The following TTC32 variants were observed in gnomAD, a reference collection of about 807,000 sequenced individuals.
The protein encoded by TTC32 is tetratricopeptide repeat protein 32.
Under a neutral mutation model 15.3 loss-of-function variants are expected in TTC32, and 16 were observed. The ratio of observed to expected loss-of-function variants is 1.05; its 90% CI spans 0.71 to 1.59. The LOEUF (loss-of-function observed/expected upper bound fraction) is 1.59. TTC32 is among the 40% of genes most tolerant of loss of function. The pLI, the probability that TTC32 is intolerant of heterozygous loss-of-function variation, is 0.00. For missense variants in TTC32, 188 were observed against 181.9 expected (o/e 1.03, Z -0.19); for synonymous variants, 89 against 67.8 (o/e 1.31, Z -1.53).
At chr2:19,901,515 G>A (rs1324709130) in intron 1 of TTC32, 191 bp downstream of exon 1, 2 of 689,890 alleles carry the variant, frequency 2.9e-6, no homozygotes, top group East Asian at 3.2e-5. Flanking sequence ...GCTTCTCCCC[G>A]CGTTCTCCGC....
rs774391279 is a variant in TTC32, at chr2:19,901,807, C to G, written c.48G>C (p.Gln16His). 5.6e-6 allele frequency: 9 copies of G among 1,614,112 alleles called. No homozygotes were observed. In the South Asian group the frequency reaches 8.8e-5, roughly 16 times the overall value. Residue 16 changes from glutamine to histidine, a missense_variant, in exon 1 of 3, where the codon CAG becomes CAC. Transcript: ENST00000333610. ...CGTACTCTCCATTGTTGAAATGAGC[C>G]TGGGCGAGTGTTAGGGTTGCGTGGC... ...QESHATLTLA[Q>H]AHFNNGEYAE...
At chr2:19,898,079 T>G in intron 1 of TTC32, 44 bp from the exon 2 acceptor site, 1 of 1,430,302 alleles carries the variant, frequency 7.0e-7, no homozygotes. Flanking sequence ...GTTACCAAAT[T>G]CCTCTCATTT....
At chr2:19,900,922 C>A (rs1354466457) in intron 1 of TTC32, 4 of 328,822 alleles carry the variant, frequency 1.2e-5, no homozygotes, top group South Asian at 9.3e-5. Flanking sequence ...ACACAAGAAT[C>A]GGTTTCCTCA....
In TTC32 at chr2:19,897,289, T is replaced by C. The variant is rs1669525308; in HGVS notation, c.317-163A>G. 2.6e-5 allele frequency among the ~76,000 whole-genome samples: 4 copies of C among 152,214 alleles called. No homozygotes were observed. The South Asian group carries it at 6.2e-4, about 24-fold the overall frequency. On this transcript the variant is annotated intron_variant, in intron 2 of 2. Transcript: ENST00000333610. Reference sequence around the variant, plus strand: ...TATCTTAATAATATAGAGATGTGTATATCAAAGTAATTTTGTGTGCCCTTA... The same window carrying C: ...TATCTTAATAATATAGAGATGTGTACATCAAAGTAATTTTGTGTGCCCTTA...
At chr2:19,897,254 G>T in intron 2 of TTC32, 128 bp from the exon 3 acceptor site, 1 of 911,254 alleles carries the variant, frequency 1.1e-6, no homozygotes, top group Non-Finnish European at 1.6e-6. Context: ...TTCTAGTAAA[G>T]GAATCTTTTT....
chr2:19,901,530 C>A, intron 1 of TTC32, 176 bp downstream of exon 1: 1 of 815,778 alleles, frequency 1.2e-6, no homozygotes, highest in East Asian at 3.0e-5. Flanking sequence ...CTCCGCCGCC[C>A]TCGTCCTAGG....
At chr2:19,898,107 T>C (rs1669540139) in intron 1 of TTC32, 72 bp from the exon 2 acceptor site, 5 of 1,400,050 alleles carry the variant, frequency 3.6e-6, no homozygotes, top group Non-Finnish European at 4.8e-6. Flanking sequence ...CATTCTCTTT[T>C]GGGTATTGTC....
intron 1 of TTC32, among the ~76,000 whole-genome samples, chr2:19,899,173 A>G (rs1669558656): frequency 6.6e-6 from 1 of 152,166 alleles, no homozygotes; most frequent in East Asian, 1.9e-4. Flanking sequence ...GAACTGTCGC[A>G]ATTTTAGAAA....
chr2:19,897,995 T>A lies in TTC32; in HGVS notation c.190A>T (p.Arg64Trp), dbSNP rs1210019511. ...PEDLATAYNNRGQIKYFRVDF... is the reference protein window; with the variant it reads ...PEDLATAYNNWGQIKYFRVDF... ...ACCCTGAAGTACTTGATTTGCCCCCTGTTGTTATATGCAGTAGCCAAATCC... is the reference window on the plus strand; with the variant it reads ...ACCCTGAAGTACTTGATTTGCCCCCAGTTGTTATATGCAGTAGCCAAATCC... The change falls in exon 2 of 3, where the codon AGG becomes TGG. Residue 64 changes from arginine (R) to tryptophan (W), a missense_variant. By Grantham distance (101) the Arg-to-Trp change is moderately radical. Transcript: ENST00000333610. 1.2e-6 allele frequency: 2 copies of A among 1,606,694 alleles called. No individual in the cohort carries two copies. The highest frequency in any genetic ancestry group is 1.7e-6 in the Non-Finnish European group (2 of 1,174,620).
chr2:19,901,668 C>T (rs374957467), intron 1 of TTC32, 38 bp downstream of exon 1: 3 of 1,596,414 alleles, frequency 1.9e-6, no homozygotes, highest in Non-Finnish European at 8.5e-7. Flanking sequence ...GTCGCCTCCA[C>T]CCGGGGTCGC....
In TTC32 at chr2:19,897,943, T is replaced by C; in HGVS notation, c.242A>G (p.Tyr81Cys). The C allele has an allele frequency of 6.2e-7, 1 of 1,613,022 alleles. No individual in the cohort carries two copies. The highest frequency in any genetic ancestry group is 8.5e-7 in the Non-Finnish European group (1 of 1,179,118). ...RVDFYEAMDD[Y>C]TSAIEVQPNF... ...GGGTTGGACTTCTATGGCAGATGTG[T>C]AGTCATCCATGGCTTCATAAAAATC... is the stretch of plus-strand genomic sequence containing the variant. Residue 81 changes from tyrosine (Y) to cysteine (C), a missense_variant, in exon 2 of 3, where the codon TAC becomes TGC. By Grantham distance (194) the Tyr-to-Cys change is radical. Coordinates refer to ENST00000333610, the MANE Select transcript of TTC32 (RefSeq NM_001008237.3).
intron 2 of TTC32, 113 bp from the exon 3 acceptor site, chr2:19,897,239 G>C (rs1669524767): frequency 2.2e-5 from 22 of 1,021,924 alleles, no homozygotes; most frequent in Non-Finnish European, 2.8e-6. Flanking sequence ...TGAGCTTTCA[G>C]TCACTTCTAG....
chr2:19,898,023 A>G lies in TTC32; in HGVS notation c.162T>C (p.Pro54=). The part of the protein sequence containing the change: ...SDESPGSKCS[P]EDLATAYNNR... ...TGTTATATGCAGTAGCCAAATCCTC[A>G]GGGCTGCATTTGCTTTAAACAAAAA... is the stretch of plus-strand genomic sequence containing the variant. The change falls in exon 2 of 3, where the codon CCT becomes CCC. Residue 54 remains proline (P), a synonymous_variant. Transcript: ENST00000333610. 1 of 1,536,848 alleles carries G rather than the reference A, an allele frequency of 6.5e-7. No individual in the cohort carries two copies. The highest frequency in any genetic ancestry group is 8.8e-7 in the Non-Finnish European group (1 of 1,133,928).
Position 19,897,400 on chromosome 2 carries a change from A to G in TTC32, c.317-274T>C, listed in dbSNP as rs567905872. ...TATCAATCATCTTAAAATTTTAATAAAACTGTATCACCTGTTTTACATAAT... is the reference window on the plus strand; with the variant it reads ...TATCAATCATCTTAAAATTTTAATAGAACTGTATCACCTGTTTTACATAAT... On this transcript the variant is annotated intron_variant, in intron 2 of 2. Coordinates refer to ENST00000333610, the MANE Select transcript of TTC32 (RefSeq NM_001008237.3). Among the ~76,000 whole-genome samples, 22 of 152,256 alleles carry G rather than the reference A, an allele frequency of 1.4e-4. No homozygotes were observed. In the South Asian group the frequency reaches 4.4e-3, roughly 30 times the overall value.
chr2:19,899,578 AT>A (rs1185656800), intron 1 of TTC32, among the ~76,000 whole-genome samples: 3 of 151,712 alleles, frequency 2.0e-5, no homozygotes, highest in African/African-American at 7.3e-5. Context: ...TAATATTAAA[AT>A]TTTTGTAATG....
In TTC32 at chr2:19,901,974, GTT is replaced by G. The variant is rs1423656137; in HGVS notation, c.-122_-121del. The G allele has an allele frequency of 1.5e-6, 2 of 1,300,386 alleles. No individual in the cohort carries two copies. Among genetic ancestry groups the G allele is most frequent in the African/African-American group, 2.9e-5 (2 of 67,928 alleles). The allele number at this position is 1,300,386 out of a possible 1,614,324, so 80.6% of individuals were successfully genotyped here. A position where few individuals can be genotyped will look rare whatever the true frequency, so the allele number is the denominator to read the frequency against. ...CCTTGACAGCCAACCTTGGCGCTAG[GTT>G]TGTGCCTTATGGGGATCCGTCGTCT... On this transcript the variant is annotated 5_prime_UTR_variant, in exon 1 of 3. Transcript: ENST00000333610.
Position 19,901,913 on chromosome 2 carries a change from T to C in TTC32, c.-59A>G. ...GGGTTGACCTCCGAGCGGTTAGAGG[T>C]GGCACCACAAAGCCACTTCCACACC... On this transcript the variant is annotated 5_prime_UTR_variant, in exon 1 of 3. Transcript: ENST00000333610. 1 of 1,600,030 alleles carries C rather than the reference T, an allele frequency of 6.2e-7. No individual in the cohort carries two copies. Among genetic ancestry groups the C allele is most frequent in the Non-Finnish European group, 8.5e-7 (1 of 1,171,122 alleles).
rs750076367 is a variant in TTC32, at chr2:19,897,140, C to T, written c.317-14G>A. On this transcript the variant is annotated splice_polypyrimidine_tract_variant and intron_variant, in intron 2 of 2. Transcript: ENST00000333610. ...CATCAAAATATCCTGTACCAGAACCCAAAAAATGGAAAAGAGAAAAGAAAC... is the reference window on the plus strand; with the variant it reads ...CATCAAAATATCCTGTACCAGAACCTAAAAAATGGAAAAGAGAAAAGAAAC... 6.4e-7 allele frequency: 1 copy of T among 1,571,540 alleles called. No individual in the cohort carries two copies. Among genetic ancestry groups the T allele is most frequent in the Non-Finnish European group, 8.6e-7 (1 of 1,167,768 alleles).
At chr2:19,899,394 C>A (rs890847863) in intron 1 of TTC32, among the ~76,000 whole-genome samples, 1 of 152,060 alleles carries the variant, frequency 6.6e-6, no homozygotes, top group Non-Finnish European at 1.5e-5. Flanking sequence ...ATCGAAGTTT[C>A]AAAATTATTG....
Sources: gnomAD v4.1 joint callset for allele counts (sites outside exome capture counted in the v4.1 genomes callset) on GRCh38, gnomAD v4.1.1 for gene constraint, MANE v1.5 for transcripts, NCBI Gene and HGNC (gene_info 2026-07-23, HGNC 2026-07-21) for gene names.